RBFOX1: variants seen among roughly 807,000 people sequenced by gnomAD.
RBFOX1 encodes the protein RNA binding fox-1 homolog 1.
RBFOX1 carries 8 observed loss-of-function variants against 57.7 expected under a neutral mutation model. That is an observed-to-expected ratio of 0.14 (90% CI 0.08 to 0.25). The LOEUF (loss-of-function observed/expected upper bound fraction) is 0.25, where lower values mean the gene tolerates loss of function less well. Ranked by LOEUF, RBFOX1 falls within the 10% of genes least tolerant of loss-of-function variation. The pLI is 1.00. For synonymous variants in RBFOX1, 326 were observed against 222.4 expected, an observed-to-expected ratio of 1.47 and a Z score of -4.15; for missense variants, 611 against 548.5, an observed-to-expected ratio of 1.11 and a Z score of -1.14.
chr16:5,915,796 C>A (rs574961151), intron 4 of RBFOX1, among the ~76,000 whole-genome samples: 1 of 152,120 alleles, frequency 6.6e-6, no homozygotes, highest in South Asian at 2.1e-4. Context: ...CATGCCACGG[C>A]ACTCCAGCCT....
intron 2 of RBFOX1, among the ~76,000 whole-genome samples, chr16:5,589,499 A>C (rs1218512746): frequency 1.3e-5 from 2 of 152,188 alleles, no homozygotes; most frequent in Non-Finnish European, 2.9e-5. Context: ...AGAGGATAGA[A>C]GGTAAGTATC....
intron 4 of RBFOX1, among the ~76,000 whole-genome samples, chr16:7,420,417 AC>A (rs2098529169): frequency 6.6e-6 from 1 of 152,174 alleles, no homozygotes; most frequent in African/African-American, 2.4e-5. Context: ...AGCAATAAAA[AC>A]AGGAGCAAAA....
chr16:5,249,324 C>G (rs937854155), intron 1 of RBFOX1, among the ~76,000 whole-genome samples: 1 of 152,200 alleles, frequency 6.6e-6, no homozygotes, highest in Non-Finnish European at 1.5e-5. Context: ...CTGTGCCCCC[C>G]ACCTTGTCCC....
At chr16:6,545,649 C>T (rs1033419240) in intron 2 of RBFOX1, among the ~76,000 whole-genome samples, 7 of 152,194 alleles carry the variant, frequency 4.6e-5, no homozygotes, top group Non-Finnish European at 8.8e-5. Context: ...TGATGTGGTG[C>T]TTGTTAAGTT....
chr16:7,595,569 C>G lies in RBFOX1; in HGVS notation c.489C>G (p.Phe163Leu). 6.4e-7 allele frequency: 1 copy of G among 1,554,296 alleles called. No homozygotes were observed. The highest frequency in any genetic ancestry group is 8.7e-7 in the Non-Finnish European group (1 of 1,146,310). ...TGCAGGGATTTGGTTTCGTAACTTT[C>G]GAAAATAGTGCCGATGCGGACAGGG... ...RGSKGFGFVT[F>L]ENSADADRAR... The change falls in exon 8 of 16, where the codon TTC becomes TTG. Residue 163 changes from phenylalanine (F) to leucine (L), a missense_variant. By Grantham distance (22) the Phe-to-Leu change is conservative. Around this residue, in one of 3 missense-constraint regions of RBFOX1, gnomAD observed 99 missense variants for 160.3 expected, o/e 0.62. Transcript: ENST00000550418.
At chr16:5,949,870 C>G (rs1018717553) in intron 4 of RBFOX1, among the ~76,000 whole-genome samples, 11 of 152,162 alleles carry the variant, frequency 7.2e-5, no homozygotes, top group Non-Finnish European at 1.3e-4. Flanking sequence ...GATTCTGAGA[C>G]AAGCTCAAGC....
chr16:5,676,252 T>TA (rs5815262), intron 3 of RBFOX1, among the ~76,000 whole-genome samples: 226 of 145,332 alleles, frequency 1.6e-3, no homozygotes, highest in South Asian at 5.1e-3. Context: ...TAAAGTGAAA[T>TA]AAAAAAAAAA....
intron 2 of RBFOX1, among the ~76,000 whole-genome samples, chr16:5,477,368 G>C (rs934339483): frequency 1.3e-5 from 2 of 152,168 alleles, no homozygotes; most frequent in Non-Finnish European, 2.9e-5. Context: ...AGGAGGTAAT[G>C]ATTTTGATTA....
At position 5,962,251 on chromosome 16, in the gene RBFOX1, A is replaced by G. The variant is rs551853743; in HGVS notation, c.351+94916A>G. 2.6e-5 allele frequency among the ~76,000 whole-genome samples: 4 copies of G among 152,286 alleles called. No homozygotes were observed. The South Asian group carries it at 8.3e-4, about 32-fold the overall frequency. On this transcript the variant is annotated intron_variant, in intron 4 of 19. Transcript: ENST00000641259. ...CCTTGGCAAGATCCACTTCTCATCAAGCCTGAGCTATTACAGTATTTCCCT... is the reference window on the plus strand; with the variant it reads ...CCTTGGCAAGATCCACTTCTCATCAGGCCTGAGCTATTACAGTATTTCCCT...
At position 5,476,201 on chromosome 16, in the gene RBFOX1, C is replaced by G. The variant is rs902487783; in HGVS notation, c.258+8947C>G. On this transcript the variant is annotated intron_variant, in intron 2 of 2. Coordinates refer to the RBFOX1 transcript ENST00000585867. ...AGAATCAGGCAATGCATGTTACATACCTTGATTTAGCTGTTCTGCAGTGTA... is the reference window on the plus strand; with the variant it reads ...AGAATCAGGCAATGCATGTTACATAGCTTGATTTAGCTGTTCTGCAGTGTA... Among the ~76,000 whole-genome samples the G allele has an allele frequency of 6.6e-5, 10 of 152,116 alleles. No homozygotes were observed. In the East Asian group the frequency reaches 1.2e-3, roughly 18 times the overall value.
intron 5 of RBFOX1, among the ~76,000 whole-genome samples, chr16:7,559,299 A>T (rs1412331624): frequency 6.7e-6 from 1 of 148,316 alleles, no homozygotes; most frequent in Non-Finnish European, 1.5e-5. Flanking sequence ...TATATACATT[A>T]TACATCTCTT....
intron 3 of RBFOX1, among the ~76,000 whole-genome samples, chr16:6,997,344 C>A (rs1415552176): frequency 6.6e-6 from 1 of 152,108 alleles, no homozygotes; most frequent in African/African-American, 2.4e-5. Flanking sequence ...GTGGCATCAG[C>A]AAAACCAATG....
intron 1 of RBFOX1, among the ~76,000 whole-genome samples, chr16:5,437,382 C>T (rs926705233): frequency 6.6e-6 from 1 of 152,090 alleles, no homozygotes; most frequent in Admixed American, 6.6e-5. Context: ...ATACCGAAAA[C>T]CTTAAAGAGA....
intron 3 of RBFOX1, among the ~76,000 whole-genome samples, chr16:6,845,831 C>T (rs565318820): frequency 2.6e-5 from 4 of 152,276 alleles, no homozygotes; most frequent in South Asian, 2.1e-4. Flanking sequence ...TCTTCCTTAC[C>T]CCTCTTGGGA....
At chr16:6,576,424 A>T (rs992466329) in intron 2 of RBFOX1, among the ~76,000 whole-genome samples, 1 of 152,216 alleles carries the variant, frequency 6.6e-6, no homozygotes, top group Non-Finnish European at 1.5e-5. Flanking sequence ...CCCAGTTGGG[A>T]ATCAGATTTT....
chr16:7,317,960 T>G (rs1398060014), intron 4 of RBFOX1, among the ~76,000 whole-genome samples: 1 of 151,804 alleles, frequency 6.6e-6, no homozygotes, highest in Admixed American at 6.6e-5. Context: ...ATGCTGGAGG[T>G]GATGGTGGTG....
intron 4 of RBFOX1, among the ~76,000 whole-genome samples, chr16:7,165,284 G>A (rs1175502949): frequency 6.6e-6 from 1 of 151,696 alleles, no homozygotes; most frequent in Admixed American, 6.6e-5. Flanking sequence ...CAGAGAGGGT[G>A]ACACACCTTG....
chr16:6,153,033 GTTTT>G (rs59957159), intron 1 of RBFOX1, among the ~76,000 whole-genome samples: 3 of 128,136 alleles, frequency 2.3e-5, no homozygotes, highest in African/African-American at 8.5e-5. Flanking sequence ...GTTATTTTCT[GTTTT>G]TTTTTTTTTT....
chr16:6,593,325 A>T (rs1174407979), intron 2 of RBFOX1, among the ~76,000 whole-genome samples: 1 of 152,172 alleles, frequency 6.6e-6, no homozygotes, highest in East Asian at 1.9e-4. Flanking sequence ...GTGGTGTTAT[A>T]ATCAGTTCAG....
Sources: allele counts gnomAD v4.1 joint callset (sites outside exome capture counted in the v4.1 genomes callset), GRCh38; gene constraint gnomAD v4.1.1; regional missense constraint gnomAD v4.1.1; transcripts MANE v1.5; gene names NCBI Gene and HGNC (gene_info 2026-07-23, HGNC 2026-07-21).